The following ASAP2 variants were observed in gnomAD, a reference collection of about 807,000 sequenced individuals.
The protein encoded by ASAP2 is arf-GAP with SH3 domain, ANK repeat and PH domain-containing protein 2.
In ASAP2, 45 loss-of-function variants were observed where a neutral mutation model predicts 131.4. The ratio of observed to expected loss-of-function variants is 0.34; its 90% CI spans 0.27 to 0.44. The LOEUF is 0.44. ASAP2 is among the 20% of genes least tolerant of loss of function. The pLI is 1.00. For synonymous variants in ASAP2, 510 were observed against 503.0 expected, an observed-to-expected ratio of 1.01 and a Z score of -0.19; for missense variants, 1,011 against 1,297.0, an observed-to-expected ratio of 0.78 and a Z score of 3.39.
intron 1 of ASAP2, among the ~76,000 whole-genome samples, chr2:9,254,779 T>C (rs1665044946): frequency 6.6e-6 from 1 of 152,122 alleles, no homozygotes; most frequent in Non-Finnish European, 1.5e-5. Flanking sequence ...AGTCTTGGAA[T>C]GTATTCCCTG....
At chr2:9,257,956 C>T (rs1665281649) in intron 1 of ASAP2, among the ~76,000 whole-genome samples, 1 of 152,056 alleles carries the variant, frequency 6.6e-6, no homozygotes, top group African/African-American at 2.4e-5. Flanking sequence ...CCTGTGTTAC[C>T]AACTGCCCAG....
At chr2:9,374,083 G>T (rs113932877) in intron 16 of ASAP2, among the ~76,000 whole-genome samples, 2,514 of 152,334 alleles carry the variant, frequency 0.017, 65 homozygotes, top group African/African-American at 0.057. Context: ...TGTGGTGGGA[G>T]TGGGATTTGA....
chr2:9,356,434 A>G, intron 14 of ASAP2, 89 bp downstream of exon 14: 1 of 1,396,772 alleles, frequency 7.2e-7, no homozygotes, highest in African/African-American at 1.4e-5. Context: ...TTTCACTTTC[A>G]TTTCAAACAC....
intron 1 of ASAP2, among the ~76,000 whole-genome samples, chr2:9,235,113 C>T (rs1427995227): frequency 6.6e-6 from 1 of 152,102 alleles, no homozygotes; most frequent in African/African-American, 2.4e-5. Flanking sequence ...CGACATATGC[C>T]AACTGGAGCT....
rs1673666206 is a variant in ASAP2, at chr2:9,368,578, C to T, written c.1556+59C>T. On this transcript the variant is annotated intron_variant, in intron 16 of 27. Coordinates refer to ENST00000281419, the MANE Select transcript of ASAP2 (RefSeq NM_003887.3). ...GTAAAGGTTTGCCTTTGCCCGAGCC[C>T]CGGGAGGCAGGGGAATAAGAAGTTT... The T allele has an allele frequency of 3.4e-6, 5 of 1,479,246 alleles. No homozygotes were observed. In the South Asian group the frequency reaches 3.4e-5, roughly 10 times the overall value. The allele number at this position is 1,479,246 out of a possible 1,614,324, so 91.6% of individuals were successfully genotyped here.
At chr2:9,333,473 C>T (rs1670975333) in intron 7 of ASAP2, among the ~76,000 whole-genome samples, 1 of 152,172 alleles carries the variant, frequency 6.6e-6, no homozygotes, top group Non-Finnish European at 1.5e-5. Context: ...TGGAAGGCCT[C>T]ACTAACCGGG....
Position 9,334,759 on chromosome 2 carries a change from A to C in ASAP2, c.708A>C (p.Lys236Asn), listed in dbSNP as rs773474342. 2 of 1,614,136 alleles carry C rather than the reference A, an allele frequency of 1.2e-6. No homozygotes were observed. The highest frequency in any genetic ancestry group is 3.3e-5 in the Admixed American group (2 of 60,020). Residue 236 changes from lysine to asparagine, a missense_variant, in exon 8 of 28, where the codon AAA becomes AAC. Coordinates refer to ENST00000281419, the MANE Select transcript of ASAP2 (RefSeq NM_003887.3). ...CTAGTTTTTTTCAGGATGGACTCAA[A>C]GCCGTGGAAAGCCTCAAACCTTCCA... is the stretch of plus-strand genomic sequence containing the variant. ...AQCNFFQDGL[K>N]AVESLKPSIE...
intron 1 of ASAP2, among the ~76,000 whole-genome samples, chr2:9,212,843 T>A (rs1423310906): frequency 1.3e-5 from 2 of 151,802 alleles, no homozygotes; most frequent in African/African-American, 4.8e-5. Flanking sequence ...CCAGGACAAT[T>A]TTTACAGCAT....
intron 1 of ASAP2, among the ~76,000 whole-genome samples, chr2:9,222,288 T>G (rs1295629758): frequency 6.6e-6 from 1 of 152,256 alleles, no homozygotes; most frequent in Non-Finnish European, 1.5e-5. Flanking sequence ...TAGGAAGATT[T>G]GCTTGCTTGG....
At chr2:9,220,615 A>G (rs976778116) in intron 1 of ASAP2, among the ~76,000 whole-genome samples, 4 of 152,248 alleles carry the variant, frequency 2.6e-5, no homozygotes, top group African/African-American at 9.6e-5. Flanking sequence ...CAGATCAGAT[A>G]TATAATTTGC....
At chr2:9,339,744 C>T (rs142937603) in intron 9 of ASAP2, among the ~76,000 whole-genome samples, 203 of 152,206 alleles carry the variant, frequency 1.3e-3, no homozygotes, top group African/African-American at 4.7e-3. Context: ...CCTCTTCCTT[C>T]TTCACTATCT....
chr2:9,254,333 T>C lies in ASAP2; in HGVS notation c.127-24984T>C, dbSNP rs1664980170. ...TCATTGTTGTTAATCCTAATTAATG[T>C]GCCTAATTTATAAACTAAACTTTTT... On this transcript the variant is annotated intron_variant, in intron 1 of 27. Coordinates refer to ENST00000281419, the MANE Select transcript of ASAP2 (RefSeq NM_003887.3). Among the ~76,000 whole-genome samples, 3 of 141,278 alleles carry C rather than the reference T, an allele frequency of 2.1e-5. No homozygotes were observed. The South Asian group carries it at 6.7e-4, about 32-fold the overall frequency. 92.7% of individuals were successfully genotyped at this position (141,278 alleles called of 152,430 possible). A position where few individuals can be genotyped will look rare whatever the true frequency, so the allele number is the denominator to read the frequency against.
chr2:9,276,164 G>A (rs1050640673), intron 1 of ASAP2, among the ~76,000 whole-genome samples: 1 of 152,222 alleles, frequency 6.6e-6, no homozygotes, highest in Non-Finnish European at 1.5e-5. Flanking sequence ...ATACCTTGCA[G>A]GTAGAAGGTG....
chr2:9,306,407 C>G (rs1243203583), intron 3 of ASAP2, among the ~76,000 whole-genome samples: 1 of 151,724 alleles, frequency 6.6e-6, no homozygotes, highest in East Asian at 1.9e-4. Context: ...GGGACGTTTC[C>G]CAGACTTTCT....
At chr2:9,347,292 G>A (rs1672032517) in intron 11 of ASAP2, among the ~76,000 whole-genome samples, 1 of 152,218 alleles carries the variant, frequency 6.6e-6, no homozygotes, top group African/African-American at 2.4e-5. Flanking sequence ...CTACAGAGAG[G>A]TTGCATGTGG....
chr2:9,278,319 C>T (rs747239453), intron 1 of ASAP2, among the ~76,000 whole-genome samples: 2 of 152,018 alleles, frequency 1.3e-5, no homozygotes, highest in South Asian at 2.1e-4. Context: ...TTGAGACCAT[C>T]CTGTCTAACA....
Position 9,261,677 on chromosome 2 carries a change from A to G in ASAP2, c.127-17640A>G, listed in dbSNP as rs72773386. ...TGGAGGTTGCCCAGTGCTGCCCCCA[A>G]CCTTTAACAGTGTGGCCGAGTGTAG... On this transcript the variant is annotated intron_variant, in intron 1 of 27. Coordinates refer to ENST00000281419, the MANE Select transcript of ASAP2 (RefSeq NM_003887.3). 4.0e-3 allele frequency among the ~76,000 whole-genome samples: 609 copies of G among 152,278 alleles called. 2 individuals are homozygous for G. The highest frequency in any genetic ancestry group is 7.3e-3 in the Non-Finnish European group (494 of 68,020).
intron 21 of ASAP2, among the ~76,000 whole-genome samples, chr2:9,385,935 T>C (rs1489259063): frequency 6.6e-6 from 1 of 152,240 alleles, no homozygotes; most frequent in Admixed American, 6.5e-5. Flanking sequence ...CACTGCTTCA[T>C]ACGCAGGGGT....
rs970474165 is a variant in ASAP2, at chr2:9,221,422, T to A, written c.126+14192T>A. On this transcript the variant is annotated intron_variant, in intron 1 of 27. Transcript: ENST00000281419. Reference sequence around the variant, plus strand: ...CTGCAACATTGGCCTCCCAAAGTGCTGGGATTGCAGGCATGAGCCACTGCA... The same window carrying A: ...CTGCAACATTGGCCTCCCAAAGTGCAGGGATTGCAGGCATGAGCCACTGCA... Among the ~76,000 whole-genome samples the A allele has an allele frequency of 1.3e-4, 19 of 151,604 alleles. No individual in the cohort carries two copies. The East Asian group carries it at 1.4e-3, about 11-fold the overall frequency.
Sources: gnomAD v4.1 joint callset for allele counts (sites outside exome capture counted in the v4.1 genomes callset) on GRCh38, gnomAD v4.1.1 for gene constraint, MANE v1.5 for transcripts, NCBI Gene and HGNC (gene_info 2026-07-23, HGNC 2026-07-21) for gene names.